TMEM45A: variants seen among roughly 807,000 people sequenced by gnomAD.
The protein encoded by TMEM45A is DNA polymerase-transactivated protein 4.
A neutral mutation model predicts 32.0 loss-of-function variants in TMEM45A; 25 were observed. The observed-to-expected ratio is 0.78, with a 90% confidence interval of 0.57 to 1.09. TMEM45A has a LOEUF of 1.09. TMEM45A is among the 50% of genes least tolerant of loss of function. The pLI is 0.00. For synonymous variants in TMEM45A, 122 were observed against 114.8 expected, an observed-to-expected ratio of 1.06 and a Z score of -0.40; for missense variants, 302 against 325.0, an observed-to-expected ratio of 0.93 and a Z score of 0.54.
chr3:100,530,498 A>C (rs1705625771), intron 1 of TMEM45A, among the ~76,000 whole-genome samples: 1 of 152,190 alleles, frequency 6.6e-6, no homozygotes, highest in Admixed American at 6.5e-5. Context: ...TTTAAATGTT[A>C]ATAATATCTA....
chr3:100,512,588 T>C (rs1343926274), intron 1 of TMEM45A, among the ~76,000 whole-genome samples: 8 of 151,646 alleles, frequency 5.3e-5, no homozygotes, highest in African/African-American at 1.9e-4. Flanking sequence ...AGCAAACACA[T>C]TCAAAAGCTA....
chr3:100,515,484 G>C (rs1404211441), intron 1 of TMEM45A, among the ~76,000 whole-genome samples: 1 of 117,510 alleles, frequency 8.5e-6, no homozygotes, highest in South Asian at 3.4e-4. Flanking sequence ...GTTATGGGGT[G>C]GGGGGAGGGG....
intron 1 of TMEM45A, chr3:100,519,520 T>C (rs556241793): frequency 6.5e-7 from 1 of 1,546,448 alleles, no homozygotes; most frequent in African/African-American, 1.4e-5. Flanking sequence ...CATTCTTATC[T>C]CTTCTGCCAC....
chr3:100,531,534 C>T (rs994292138), intron 1 of TMEM45A, among the ~76,000 whole-genome samples: 1 of 152,146 alleles, frequency 6.6e-6, no homozygotes, highest in Non-Finnish European at 1.5e-5. Context: ...AGAAGATGGG[C>T]TTAATATGCC....
At chr3:100,564,580 T>C (rs775531707) in intron 4 of TMEM45A, among the ~76,000 whole-genome samples, 22 of 150,834 alleles carry the variant, frequency 1.5e-4, no homozygotes, top group Non-Finnish European at 3.1e-4. Context: ...ACCTCCCGGG[T>C]TCAAGCGATT....
At chr3:100,521,738 C>G (rs1010862497) in intron 1 of TMEM45A, among the ~76,000 whole-genome samples, 16 of 152,334 alleles carry the variant, frequency 1.1e-4, no homozygotes, top group African/African-American at 3.6e-4. Flanking sequence ...TCAGCCAGAG[C>G]TGCTGTGGCA....
chr3:100,568,526 T>C lies in TMEM45A; in HGVS notation c.589-296T>C, dbSNP rs1274275551. On this transcript the variant is annotated intron_variant, in intron 4 of 5. Coordinates refer to ENST00000323523, the MANE Select transcript of TMEM45A (RefSeq NM_018004.3). ...CAATTTTGAAATAACAGAGTGAAAC[T>C]GCACAATGTAGAAACCCAAGACATT... Among the ~76,000 whole-genome samples the C allele has an allele frequency of 5.3e-5, 8 of 152,352 alleles. No homozygotes were observed. The East Asian group carries it at 1.5e-3, about 29-fold the overall frequency.
chr3:100,520,405 T>C (rs545020425), intron 1 of TMEM45A, among the ~76,000 whole-genome samples: 3 of 152,330 alleles, frequency 2.0e-5, no homozygotes, highest in Admixed American at 6.5e-5. Context: ...TTTGAGAGCA[T>C]AGAATATGAC....
At chr3:100,524,324 G>T (rs919722297) in intron 1 of TMEM45A, among the ~76,000 whole-genome samples, 1 of 152,180 alleles carries the variant, frequency 6.6e-6, no homozygotes, top group Non-Finnish European at 1.5e-5. Context: ...TCTTACCAGG[G>T]TTGATATGAT....
At chr3:100,568,298 T>C (rs1176949078) in intron 4 of TMEM45A, among the ~76,000 whole-genome samples, 1 of 152,218 alleles carries the variant, frequency 6.6e-6, no homozygotes, top group Non-Finnish European at 1.5e-5. Flanking sequence ...TGGATGCCTT[T>C]TATTTTTCTT....
At chr3:100,523,583 G>A (rs1266820258) in intron 1 of TMEM45A, among the ~76,000 whole-genome samples, 6 of 152,182 alleles carry the variant, frequency 3.9e-5, no homozygotes, top group Non-Finnish European at 5.9e-5. Flanking sequence ...TTGGAGAGTG[G>A]TCAGAGGAGG....
At position 100,575,609 on chromosome 3, in the gene TMEM45A, C is replaced by T. The variant is rs1299242776; in HGVS notation, c.735-1316C>T. Among the ~76,000 whole-genome samples, 7 of 152,112 alleles carry T rather than the reference C, an allele frequency of 4.6e-5. No homozygotes were observed. The South Asian group carries it at 6.2e-4, about 13-fold the overall frequency. ...CTGGTCTTGAACTCTTGACCACAGG[C>T]GATCTGCCCGCCTTGCCTCCCACAG... On this transcript the variant is annotated intron_variant, in intron 5 of 5. Coordinates refer to ENST00000323523, the MANE Select transcript of TMEM45A (RefSeq NM_018004.3).
intron 1 of TMEM45A, among the ~76,000 whole-genome samples, chr3:100,496,998 A>G (rs143888808): frequency 2.0e-5 from 3 of 152,334 alleles, no homozygotes; most frequent in Admixed American, 1.3e-4. Flanking sequence ...GTGAATATCA[A>G]TGAAGGTCTA....
At chr3:100,553,083 G>A (rs890440346) in intron 1 of TMEM45A, among the ~76,000 whole-genome samples, 1 of 152,178 alleles carries the variant, frequency 6.6e-6, no homozygotes, top group Non-Finnish European at 1.5e-5. Flanking sequence ...GTTGAAGATA[G>A]CATGAGCTTA....
intron 1 of TMEM45A, among the ~76,000 whole-genome samples, chr3:100,508,850 G>C (rs1708114894): frequency 6.6e-6 from 1 of 150,868 alleles, no homozygotes; most frequent in Non-Finnish European, 1.5e-5. Context: ...TTTAAGACCT[G>C]AAACTATAAA....
At chr3:100,565,987 T>G (rs959569011) in intron 4 of TMEM45A, among the ~76,000 whole-genome samples, 14 of 152,348 alleles carry the variant, frequency 9.2e-5, no homozygotes, top group African/African-American at 3.4e-4. Context: ...TATGAATATT[T>G]GTCTAGTCTA....
chr3:100,560,327 G>C (rs937228233), intron 4 of TMEM45A, among the ~76,000 whole-genome samples: 1 of 148,482 alleles, frequency 6.7e-6, no homozygotes. Flanking sequence ...TAAAATAAAT[G>C]CATTTAAACA....
chr3:100,506,001 G>A (rs1232784226), intron 1 of TMEM45A, among the ~76,000 whole-genome samples: 3 of 152,176 alleles, frequency 2.0e-5, no homozygotes, highest in South Asian at 2.1e-4. Context: ...AGAGGACCCC[G>A]ATAACTGCAG....
chr3:100,551,509 T>C (rs1318132013), intron 1 of TMEM45A, among the ~76,000 whole-genome samples: 1 of 152,182 alleles, frequency 6.6e-6, no homozygotes, highest in Non-Finnish European at 1.5e-5. Context: ...CTGATCAAAC[T>C]CTGTGCTACT....
Sources: allele counts gnomAD v4.1 joint callset (sites outside exome capture counted in the v4.1 genomes callset), GRCh38; gene constraint gnomAD v4.1.1; transcripts MANE v1.5; gene names NCBI Gene and HGNC (gene_info 2026-07-23, HGNC 2026-07-21).